Variants in PALM2AKAP2 observed in about 807,000 individuals in gnomAD.
PALM2AKAP2 encodes the protein PALM2 and AKAP2 fusion.
A neutral mutation model predicts 71.5 loss-of-function variants in PALM2AKAP2; 37 were observed. That is an observed-to-expected ratio of 0.52 (90% CI 0.40 to 0.68). The LOEUF (loss-of-function observed/expected upper bound fraction) is 0.68. Ranked by LOEUF, PALM2AKAP2 falls within the 30% of genes least tolerant of loss-of-function variation. The pLI is 0.00. For missense variants in PALM2AKAP2, 1,224 were observed against 1,191.8 expected, an observed-to-expected ratio of 1.03 and a Z score of -0.40; for synonymous variants, 468 against 478.8, an observed-to-expected ratio of 0.98 and a Z score of 0.29.
intron 1 of PALM2AKAP2, among the ~76,000 whole-genome samples, chr9:109,697,706 A>C (rs1827992985): frequency 6.6e-6 from 1 of 152,154 alleles, no homozygotes; most frequent in African/African-American, 2.4e-5. Flanking sequence ...AGAGGGTGCA[A>C]AAAAACTATC....
At chr9:109,744,049 A>G in intron 1 of PALM2AKAP2, among the ~76,000 whole-genome samples, 1 of 152,226 alleles carries the variant, frequency 6.6e-6, no homozygotes, top group South Asian at 2.1e-4. Context: ...TGAAATGGAT[A>G]AAATCTGACT....
chr9:110,039,100 T>G (rs1297739428), intron 7 of PALM2AKAP2, among the ~76,000 whole-genome samples: 3 of 151,832 alleles, frequency 2.0e-5, no homozygotes, highest in Non-Finnish European at 4.4e-5. Context: ...GATACAAAAA[T>G]TAGCCAGGCA....
intron 1 of PALM2AKAP2, among the ~76,000 whole-genome samples, chr9:110,117,973 T>TTGTGTG (rs1171400897): frequency 0.16 from 22,548 of 138,356 alleles, 1,912 homozygotes; most frequent in African/African-American, 0.23. Context: ...ATATGTCGTT[T>TTGTGTG]TGTGTGTGTG....
At chr9:110,134,179 T>G (rs1835795870) in intron 1 of PALM2AKAP2, among the ~76,000 whole-genome samples, 2 of 151,620 alleles carry the variant, frequency 1.3e-5, no homozygotes, top group Admixed American at 6.6e-5. Context: ...TAAGGGAGAC[T>G]GAGGCAGGAG....
At chr9:109,642,844 C>CTTTTTT (rs11446176) in intron 1 of PALM2AKAP2, among the ~76,000 whole-genome samples, 1 of 139,516 alleles carries the variant, frequency 7.2e-6, no homozygotes, top group Non-Finnish European at 1.5e-5. Flanking sequence ...CATGCCCAGT[C>CTTTTTT]TTTTTTTTTT....
chr9:110,006,392 C>A (rs148841195), intron 6 of PALM2AKAP2, among the ~76,000 whole-genome samples: 1,813 of 99,718 alleles, frequency 0.018, 41 homozygotes, highest in African/African-American at 0.065. Context: ...TTTACAAGAT[C>A]TTACTCTGTC....
At chr9:109,705,384 A>G (rs1476322121) in intron 1 of PALM2AKAP2, among the ~76,000 whole-genome samples, 2 of 152,084 alleles carry the variant, frequency 1.3e-5, no homozygotes, top group Admixed American at 6.5e-5. Context: ...GGAAAACTTT[A>G]TACTTTGAAA....
At chr9:110,017,638 T>C (rs528124271) in intron 7 of PALM2AKAP2, among the ~76,000 whole-genome samples, 1 of 152,276 alleles carries the variant, frequency 6.6e-6, no homozygotes, top group African/African-American at 2.4e-5. Context: ...GAAGACAGCA[T>C]GTTGCCAGTG....
intron 1 of PALM2AKAP2, among the ~76,000 whole-genome samples, chr9:110,074,101 A>G (rs1417069714): frequency 6.6e-6 from 1 of 152,368 alleles, no homozygotes; most frequent in East Asian, 1.9e-4. Flanking sequence ...ATATTCCTGC[A>G]CAAATGCATG....
At chr9:109,866,069 C>T (rs913962569) in intron 1 of PALM2AKAP2, among the ~76,000 whole-genome samples, 11 of 152,130 alleles carry the variant, frequency 7.2e-5, no homozygotes, top group African/African-American at 2.2e-4. Flanking sequence ...AGATTATATC[C>T]GTGACTTAGA....
intron 6 of PALM2AKAP2, among the ~76,000 whole-genome samples, chr9:110,000,634 G>A (rs144176886): frequency 0.019 from 2,818 of 152,298 alleles, 97 homozygotes; most frequent in African/African-American, 0.065. Context: ...CACCAACAGT[G>A]TAAAAGTATT....
chr9:109,943,123 A>G, intron 6 of PALM2AKAP2: 2 of 1,614,256 alleles, frequency 1.2e-6, no homozygotes, highest in Non-Finnish European at 1.7e-6. Context: ...GCCCGTCACC[A>G]TGATTTTTAT....
chr9:110,040,010 A>G (rs1477812920), intron 7 of PALM2AKAP2, among the ~76,000 whole-genome samples: 1 of 152,094 alleles, frequency 6.6e-6, no homozygotes, highest in African/African-American at 2.4e-5. Flanking sequence ...GAAGGAAGAC[A>G]GGAGAATACA....
At chr9:109,896,438 T>C (rs1054859408) in intron 3 of PALM2AKAP2, among the ~76,000 whole-genome samples, 2 of 152,082 alleles carry the variant, frequency 1.3e-5, no homozygotes, top group Non-Finnish European at 2.9e-5. Flanking sequence ...AGAAGGGGCA[T>C]CTTCATATTT....
At chr9:110,005,050 A>C in intron 6 of PALM2AKAP2, among the ~76,000 whole-genome samples, 1 of 152,084 alleles carries the variant, frequency 6.6e-6, no homozygotes, top group East Asian at 1.9e-4. Flanking sequence ...TTCTCTGTCC[A>C]GCTTTGTTCC....
chr9:110,083,546 T>G (rs916036663), intron 1 of PALM2AKAP2, among the ~76,000 whole-genome samples: 1 of 152,246 alleles, frequency 6.6e-6, no homozygotes, highest in Non-Finnish European at 1.5e-5. Context: ...TTTTTGTTTT[T>G]AAGTCTGCAA....
chr9:110,134,931 G>C (rs926753446), intron 1 of PALM2AKAP2, among the ~76,000 whole-genome samples: 1 of 151,480 alleles, frequency 6.6e-6, no homozygotes, highest in Non-Finnish European at 1.5e-5. Context: ...AGAGTCCTTT[G>C]ATATGAAAAA....
rs183540365 is a variant in PALM2AKAP2, at chr9:110,122,533, A to G, written c.157-13594A>G. ...TGGGGTCTGCCCCTCTGCAGAGTGC[A>G]TGATAATCCCCACTTTGCCATTAAT... On this transcript the variant is annotated intron_variant, in intron 1 of 3. Coordinates refer to ENST00000374525, the Ensembl canonical transcript of PALM2AKAP2. 9.8e-5 allele frequency among the ~76,000 whole-genome samples: 15 copies of G among 152,332 alleles called. No individual in the cohort carries two copies. The East Asian group carries it at 2.9e-3, about 29-fold the overall frequency.
chr9:110,109,020 T>C (rs1835178569), intron 1 of PALM2AKAP2, among the ~76,000 whole-genome samples: 2 of 151,974 alleles, frequency 1.3e-5, no homozygotes, highest in Admixed American at 6.6e-5. Context: ...GGTACGTTGT[T>C]AAAACTTCAG....
Sources: gnomAD v4.1 joint callset for allele counts (sites outside exome capture counted in the v4.1 genomes callset) on GRCh38, gnomAD v4.1.1 for gene constraint, MANE v1.5 for transcripts, NCBI Gene and HGNC (gene_info 2026-07-23, HGNC 2026-07-21) for gene names.